The following SORT1 variants were observed in gnomAD, a reference collection of about 807,000 sequenced individuals.
SORT1 encodes sortilin 1.
A neutral mutation model predicts 101.7 loss-of-function variants in SORT1; 39 were observed. The observed-to-expected ratio is 0.38, with a 90% CI of 0.30 to 0.50. The LOEUF (loss-of-function observed/expected upper bound fraction) is 0.50, where lower values mean the gene tolerates loss of function less well. Among genes scored for constraint, SORT1 ranks in the 20% least tolerant of loss-of-function variants. The probability of loss-of-function intolerance (pLI) is 0.90; values close to 1 mark genes in which losing one functional copy is unlikely to be tolerated. For synonymous variants in SORT1, 396 were observed against 393.7 expected (o/e 1.01, Z -0.07); for missense variants, 878 against 1,040.4 (o/e 0.84, Z 2.15).
At chr1:109,352,407 G>A (rs1167093913) in intron 5 of SORT1, among the ~76,000 whole-genome samples, 1 of 152,148 alleles carries the variant, frequency 6.6e-6, no homozygotes, top group Non-Finnish European at 1.5e-5. Context: ...AACAATTAGA[G>A]TTCTCAAAAG....
rs1557799232 is a variant in SORT1 at position 109,345,825 on chromosome 1, T to C, written c.889A>G (p.Lys297Glu). 1 of 1,613,754 alleles carries C rather than the reference T, an allele frequency of 6.2e-7. No individual in the cohort carries two copies. Among genetic ancestry groups the C allele is most frequent in the East Asian group, 2.2e-5 (1 of 44,884 alleles). ...WRTSDLGKSF[K>E]TIGVKIYSFG... The stretch of plus-strand genomic sequence containing the variant: ...GAGTAGATTTTCACACCAATAGTTT[T>C]GAAGCTTTTTCCCAAGTCTGAAGTT... Residue 297 changes from lysine (K) to glutamate (E), a missense_variant, in exon 8 of 20, where the codon AAA becomes GAA. Physicochemically the swap from Lys to Glu is moderately conservative, Grantham distance 56 (BLOSUM62 1). This residue lies in a region of SORT1 where 684 missense variants were observed against 894.5 expected (regional missense o/e 0.76). Transcript: ENST00000256637.
intron 17 of SORT1, 71 bp downstream of exon 17, chr1:109,316,779 T>C (rs1263983249): frequency 1.0e-6 from 1 of 1,004,186 alleles, no homozygotes; most frequent in Non-Finnish European, 1.5e-6. Flanking sequence ...TCTTGATGCT[T>C]TAACTTTGAT....
chr1:109,387,949 CAAAAAAAAAA>C (rs1247750249), intron 1 of SORT1, among the ~76,000 whole-genome samples: 9 of 144,740 alleles, frequency 6.2e-5, no homozygotes, highest in African/African-American at 2.3e-4. Context: ...GACCCTGTCT[CAAAAAAAAAA>C]GAAAAAGAAA....
chr1:109,374,848 A>G (rs1651720640), intron 1 of SORT1, among the ~76,000 whole-genome samples: 1 of 152,204 alleles, frequency 6.6e-6, no homozygotes, highest in Non-Finnish European at 1.5e-5. Context: ...AGTCCCAGCT[A>G]CTCAGAAGGC....
intron 11 of SORT1, among the ~76,000 whole-genome samples, chr1:109,329,552 C>T (rs376521988): frequency 6.6e-6 from 1 of 152,160 alleles, no homozygotes; most frequent in Non-Finnish European, 1.5e-5. Context: ...CATGTCCAGC[C>T]GGGGGTGGCT....
At chr1:109,393,023 T>G (rs570155359) in intron 1 of SORT1, 1 of 985,450 alleles carries the variant, frequency 1.0e-6, no homozygotes, top group South Asian at 4.7e-5. Context: ...ATTAAAGGAC[T>G]GACCTTCAGA....
rs751518427 is a variant in SORT1 at position 109,327,548 on chromosome 1, T to C, written c.1425A>G (p.Pro475=). 3.1e-6 allele frequency: 5 copies of C among 1,612,190 alleles called. No homozygotes were observed. The South Asian group carries it at 5.5e-5, about 18-fold the overall frequency. Residue 475 remains proline, a synonymous_variant, in exon 12 of 20, where the codon CCA becomes CCG. Transcript: ENST00000256637. ...SYSISQKLNV[P]MAPLSEPNAV... Reference sequence around the variant, plus strand: ...CATTCGGCTCTGAGAGTGGGGCCATTGGAACATTCAGTTTCTGGGAGATGC... The same window carrying C: ...CATTCGGCTCTGAGAGTGGGGCCATCGGAACATTCAGTTTCTGGGAGATGC...
Position 109,367,470 on chromosome 1 carries a change from G to C in SORT1, c.378C>G (p.Val126=), listed in dbSNP as rs200794014. The C allele has an allele frequency of 1.7e-4, 267 of 1,597,982 alleles. 1 individual carries two copies. Among genetic ancestry groups the C allele is most frequent in the Non-Finnish European group, 2.7e-5 (32 of 1,165,836 alleles). ...WVGDSTGVIL[V]LTTFHVPLVI... Reference sequence around the variant, plus strand: ...CCAGTGGTACATGGAAGGTAGTCAAGACTAGAATGACCTGGAGAGAGAAAA... The same window carrying C: ...CCAGTGGTACATGGAAGGTAGTCAACACTAGAATGACCTGGAGAGAGAAAA... Residue 126 remains valine (V), a synonymous_variant, in exon 3 of 20, where the codon GTC becomes GTG. Transcript: ENST00000256637.
intron 1 of SORT1, chr1:109,393,281 A>G (rs1435910332): frequency 3.0e-6 from 3 of 985,248 alleles, no homozygotes; most frequent in African/African-American, 1.7e-5. Context: ...AGTTATGTTT[A>G]CAGAAGTAGT....
intron 3 of SORT1, 156 bp downstream of exon 3, chr1:109,367,252 C>CAAA (rs1419091752): frequency 1.8e-6 from 1 of 546,336 alleles, no homozygotes; most frequent in Non-Finnish European, 3.3e-6. Context: ...ACAACAACAA[C>CAAA]AAAAACATGT....
intron 5 of SORT1, among the ~76,000 whole-genome samples, chr1:109,351,744 G>A (rs1356652437): frequency 2.0e-5 from 3 of 152,192 alleles, no homozygotes; most frequent in Admixed American, 6.5e-5. Flanking sequence ...GACACAGTCC[G>A]TTTCACTTTC....
chr1:109,388,379 C>A (rs1158654566), intron 1 of SORT1, among the ~76,000 whole-genome samples: 1 of 151,924 alleles, frequency 6.6e-6, no homozygotes, highest in Non-Finnish European at 1.5e-5. Context: ...GCTAGGGCTA[C>A]CGGCATATGC....
At chr1:109,394,456 T>A (rs1407622217) in intron 1 of SORT1, among the ~76,000 whole-genome samples, 1 of 152,124 alleles carries the variant, frequency 6.6e-6, no homozygotes, top group East Asian at 1.9e-4. Flanking sequence ...AAAGGGAGGC[T>A]TGGGCAAAGA....
At chr1:109,353,012 T>A (rs1650064082) in intron 5 of SORT1, among the ~76,000 whole-genome samples, 1 of 115,986 alleles carries the variant, frequency 8.6e-6, no homozygotes, top group Admixed American at 1.0e-4. Flanking sequence ...CTAGTTTCCT[T>A]CCTCTGGCCT....
intron 16 of SORT1, among the ~76,000 whole-genome samples, 174 bp from the exon 17 acceptor site, chr1:109,317,132 C>T (rs1647273580): frequency 6.6e-6 from 1 of 152,136 alleles, no homozygotes; most frequent in African/African-American, 2.4e-5. Context: ...TGTGTAGTTT[C>T]AGGCCTTAAG....
intron 15 of SORT1, among the ~76,000 whole-genome samples, chr1:109,322,730 G>C (rs1338045750): frequency 6.6e-6 from 1 of 152,096 alleles, no homozygotes; most frequent in East Asian, 1.9e-4. Context: ...TGTAGAGATA[G>C]GGTTTCACCA....
intron 1 of SORT1, chr1:109,392,820 G>T: frequency 1.0e-6 from 1 of 985,060 alleles, no homozygotes; most frequent in South Asian, 4.7e-5. Flanking sequence ...CTTCATGAAG[G>T]TTTCGCTCAC....
intron 1 of SORT1, among the ~76,000 whole-genome samples, chr1:109,380,862 T>G (rs911238829): frequency 4.9e-5 from 7 of 142,604 alleles, no homozygotes; most frequent in South Asian, 2.2e-4. Context: ...TATGGTGGTG[T>G]GCACCTGTAG....
chr1:109,313,028 C>G lies in SORT1; in HGVS notation c.*1015G>C, dbSNP rs1271749697. 1 of 152,166 alleles carries G rather than the reference C, an allele frequency of 6.6e-6. No homozygotes were observed. Among genetic ancestry groups the G allele is most frequent in the Non-Finnish European group, 1.5e-5 (1 of 68,038 alleles). The allele number at this position is 152,166 out of a possible 1,614,324, so 9.4% of individuals were successfully genotyped here. On this transcript the variant is annotated 3_prime_UTR_variant, in exon 20 of 20. Transcript: ENST00000256637. ...TGTACAACAGCAACCTAAGAAGCAG[C>G]AGATAGGCAGCCATTGTCATGATTT...
Sources: allele counts gnomAD v4.1 joint callset (sites outside exome capture counted in the v4.1 genomes callset), GRCh38; gene constraint gnomAD v4.1.1; regional missense constraint gnomAD v4.1.1; transcripts MANE v1.5; gene names NCBI Gene and HGNC (gene_info 2026-07-23, HGNC 2026-07-21).